INTS4: variants seen among roughly 807,000 people sequenced by gnomAD.
The protein encoded by INTS4 is integrator complex subunit 4.
Under a neutral mutation model 119.5 loss-of-function variants are expected in INTS4, and 70 were observed. That is an observed-to-expected ratio of 0.59 (90% CI 0.48 to 0.71). The LOEUF is 0.71. INTS4 is among the 30% of genes least tolerant of loss of function. The pLI, the probability that INTS4 is intolerant of heterozygous loss-of-function variation, is 0.00. For missense variants in INTS4, 867 were observed against 1,173.2 expected, an observed-to-expected ratio of 0.74 and a Z score of 3.81; for synonymous variants, 316 against 419.6, an observed-to-expected ratio of 0.75 and a Z score of 3.02.
intron 4 of INTS4, among the ~76,000 whole-genome samples, chr11:77,962,563 C>T (rs1855282319): frequency 6.6e-6 from 1 of 152,094 alleles, no homozygotes; most frequent in Non-Finnish European, 1.5e-5. Flanking sequence ...GTACAAAACT[C>T]TGGATTTCAA....
chr11:77,958,560 T>G (rs1954387006), intron 7 of INTS4, among the ~76,000 whole-genome samples, 186 bp downstream of exon 7: 1 of 152,240 alleles, frequency 6.6e-6, no homozygotes, highest in Admixed American at 6.5e-5. Context: ...GTACAGAAAG[T>G]TCCTATCAGA....
At position 77,878,860 on chromosome 11, in the gene INTS4, A is replaced by T; in HGVS notation, c.*89T>A. 1.1e-6 allele frequency: 1 copy of T among 927,528 alleles called. No homozygotes were observed. The highest frequency in any genetic ancestry group is 1.8e-6 in the Non-Finnish European group (1 of 559,710). The allele number at this position is 927,528 out of a possible 1,614,324, so 57.5% of individuals were successfully genotyped here. A position where few individuals can be genotyped will look rare whatever the true frequency, so the allele number is the denominator to read the frequency against. ...GGTCACATACTCCTTAAGCCTACAC[A>T]TCAATTCCAGGTGAAGTGCTTCAGG... On this transcript the variant is annotated 3_prime_UTR_variant, in exon 23 of 23. Coordinates refer to ENST00000534064, the MANE Select transcript of INTS4 (RefSeq NM_033547.4).
intron 19 of INTS4, among the ~76,000 whole-genome samples, chr11:77,893,420 A>T (rs947850181): frequency 6.6e-6 from 1 of 152,142 alleles, no homozygotes; most frequent in Non-Finnish European, 1.5e-5. Flanking sequence ...AGCCTGAGCA[A>T]CACAGCAAGA....
intron 10 of INTS4, among the ~76,000 whole-genome samples, chr11:77,929,275 A>G (rs1953587835): frequency 6.6e-6 from 1 of 151,020 alleles, no homozygotes; most frequent in Admixed American, 6.6e-5. Context: ...TCTATTCTCT[A>G]CTCCTCTCAT....
chr11:77,884,054 G>A, intron 21 of INTS4, 102 bp from the exon 22 acceptor site: 6 of 1,198,666 alleles, frequency 5.0e-6, no homozygotes. Context: ...GAAGAAACAT[G>A]ACACCAACTT....
At chr11:77,877,683 G>A (rs1241194182), downstream of INTS4, among the ~76,000 whole-genome samples, 5 of 152,176 alleles carry the variant, frequency 3.3e-5, no homozygotes, top group African/African-American at 4.8e-5. Flanking sequence ...GACAGGTAAA[G>A]TACATAGCAC....
chr11:77,887,951 A>C (rs2136378758), intron 21 of INTS4, among the ~76,000 whole-genome samples: 2 of 152,368 alleles, frequency 1.3e-5, no homozygotes, highest in East Asian at 3.9e-4. Flanking sequence ...AAAACATTCC[A>C]TGCTCATGGG....
In INTS4 at chr11:77,922,464, T is replaced by C; in HGVS notation, c.1522A>G (p.Lys508Glu). 3 of 1,423,336 alleles carry C rather than the reference T, an allele frequency of 2.1e-6. No individual in the cohort carries two copies. The highest frequency in any genetic ancestry group is 1.9e-6 in the Non-Finnish European group (2 of 1,051,656). The allele number at this position is 1,423,336 out of a possible 1,614,324, so 88.2% of individuals were successfully genotyped here. A position where few individuals can be genotyped will look rare whatever the true frequency, so the allele number is the denominator to read the frequency against. Residue 508 changes from lysine (K) to glutamate (E), a missense_variant, in exon 13 of 23, where the codon AAG becomes GAG. By Grantham distance (56) the Lys-to-Glu change is moderately conservative (BLOSUM62 1). Around this residue, in one of 5 missense-constraint regions of INTS4, gnomAD observed 51 missense variants for 125.5 expected, o/e 0.41. Transcript: ENST00000534064. ...TDRDSIWKCL[K>E]FLGSRHPTLV... ...GTTGGATGCCGACTTCCCAGAAACT[T>C]CAAGCACCTGAAACAAACAAATAAG...
intron 21 of INTS4, among the ~76,000 whole-genome samples, chr11:77,887,867 A>G (rs377341508): frequency 6.6e-6 from 1 of 152,198 alleles, no homozygotes; most frequent in Non-Finnish European, 1.5e-5. Context: ...AACTTACAAG[A>G]GATGTGAAGG....
chr11:77,973,836 T>G (rs1007467700), intron 4 of INTS4, among the ~76,000 whole-genome samples: 12 of 152,094 alleles, frequency 7.9e-5, no homozygotes, highest in African/African-American at 2.9e-4. Context: ...GTTGCTGGAG[T>G]TGATTTGCTA....
At chr11:77,918,147 C>T (rs974020719) in intron 15 of INTS4, 1 of 701,110 alleles carries the variant, frequency 1.4e-6, no homozygotes, top group Non-Finnish European at 2.6e-6. Context: ...AAGAATGAGC[C>T]TAGGCCGGGC....
chr11:77,980,335 T>C (rs895094456), intron 3 of INTS4, among the ~76,000 whole-genome samples: 3 of 152,110 alleles, frequency 2.0e-5, no homozygotes, highest in African/African-American at 4.8e-5. Context: ...ATGATACTTC[T>C]GTACTGAAGC....
intron 8 of INTS4, among the ~76,000 whole-genome samples, chr11:77,953,718 G>C (rs1197344615): frequency 7.2e-5 from 11 of 152,080 alleles, no homozygotes; most frequent in South Asian, 2.1e-4. Flanking sequence ...AGAATAGCTG[G>C]GACTACAGGT....
chr11:77,987,738 G>A, intron 2 of INTS4: 1 of 424,206 alleles, frequency 2.4e-6, no homozygotes, highest in Non-Finnish European at 4.8e-6. Flanking sequence ...GCCGGGAGTG[G>A]TGGCATGTGC....
intron 14 of INTS4, among the ~76,000 whole-genome samples, 178 bp from the exon 15 acceptor site, chr11:77,919,156 G>A (rs1270160001): frequency 2.0e-5 from 3 of 152,162 alleles, no homozygotes; most frequent in Non-Finnish European, 4.4e-5. Flanking sequence ...GAGTTAAAGA[G>A]AAAGAGACAA....
At chr11:77,876,383 G>A (rs1056900538), downstream of INTS4, among the ~76,000 whole-genome samples, 8 of 150,492 alleles carry the variant, frequency 5.3e-5, no homozygotes, top group South Asian at 2.1e-4. Context: ...TGCCCCCTTC[G>A]AAACCTTTAT....
chr11:77,905,082 A>G (rs569134217), intron 16 of INTS4, among the ~76,000 whole-genome samples: 5 of 152,276 alleles, frequency 3.3e-5, no homozygotes, highest in African/African-American at 9.6e-5. Context: ...TATAAATCTG[A>G]GTGTACTAAG....
intron 14 of INTS4, among the ~76,000 whole-genome samples, chr11:77,920,282 T>TATATATACAC (rs1249585188): frequency 8.6e-4 from 125 of 144,972 alleles, no homozygotes; most frequent in Admixed American, 2.1e-3. Flanking sequence ...TATATACACA[T>TATATATACAC]ATATATATAT....
chr11:77,936,150 G>A (rs1422424361), intron 10 of INTS4, among the ~76,000 whole-genome samples: 1 of 151,614 alleles, frequency 6.6e-6, no homozygotes, highest in Non-Finnish European at 1.5e-5. Flanking sequence ...GACATGAAAA[G>A]ACAAAGGATG....
Sources: gnomAD v4.1 joint callset for allele counts (sites outside exome capture counted in the v4.1 genomes callset) on GRCh38, gnomAD v4.1.1 for gene constraint, gnomAD v4.1.1 regional missense constraint, MANE v1.5 for transcripts, NCBI Gene and HGNC (gene_info 2026-07-23, HGNC 2026-07-21) for gene names.